Variants in SLC9A1 observed in about 807,000 individuals in gnomAD.
SLC9A1 encodes solute carrier family 9 member A1.
Under a neutral mutation model 67.9 loss-of-function variants are expected in SLC9A1, and 22 were observed. The observed-to-expected ratio is 0.32, with a 90% CI of 0.23 to 0.46. The LOEUF (loss-of-function observed/expected upper bound fraction) is 0.46. Ranked by LOEUF, SLC9A1 falls within the 20% of genes least tolerant of loss-of-function variation. SLC9A1 has a pLI of 1.00. For missense variants in SLC9A1, 686 were observed against 1,094.8 expected (o/e 0.63, Z 5.27); for synonymous variants, 421 against 471.8 (o/e 0.89, Z 1.40).
chr1:27,113,172 A>G (rs2083242497), intron 2 of SLC9A1, among the ~76,000 whole-genome samples: 1 of 152,128 alleles, frequency 6.6e-6, no homozygotes, highest in Non-Finnish European at 1.5e-5. Context: ...AAAATGCAAG[A>G]GAAGGGCCAG....
intron 1 of SLC9A1, among the ~76,000 whole-genome samples, chr1:27,115,783 C>T (rs1418773619): frequency 2.6e-5 from 4 of 152,086 alleles, no homozygotes; most frequent in Non-Finnish European, 4.4e-5. Context: ...CCTCCCCTTC[C>T]CTATCTTGCA....
Position 27,100,701 on chromosome 1 carries a change from G to C in SLC9A1, c.2111-57C>G, listed in dbSNP as rs548335504. 5 of 1,433,436 alleles carry C rather than the reference G, an allele frequency of 3.5e-6. No individual in the cohort carries two copies. The African/African-American group carries it at 7.1e-5, about 20-fold the overall frequency. The allele number at this position is 1,433,436 out of a possible 1,614,324, so 88.8% of individuals were successfully genotyped here. A position where few individuals can be genotyped will look rare whatever the true frequency, so the allele number is the denominator to read the frequency against. ...TCCGCTCTGGAGCCCGGCCCAGCAC[G>C]TGCCACTCGGCCGCGTCAGTGCCTC... On this transcript the variant is annotated intron_variant, in intron 11 of 11. Transcript: ENST00000263980. The surrounding 1 kb of genome is among the most constrained non-coding windows in gnomAD (Gnocchi z 5.6).
In SLC9A1 at chr1:27,109,850, G is replaced by A. The variant is rs2124147395; in HGVS notation, c.814-73C>T. On this transcript the variant is annotated intron_variant, in intron 2 of 11. Coordinates refer to ENST00000263980, the MANE Select transcript of SLC9A1 (RefSeq NM_003047.5). The surrounding 1 kb of genome is among the most constrained non-coding windows in gnomAD (Gnocchi z 5.5). ...CCACGGTTCCCTGGGGTCCACCCAGGGCAATCCTGTCCCCTCCGTTAACCA... is the reference window on the plus strand; with the variant it reads ...CCACGGTTCCCTGGGGTCCACCCAGAGCAATCCTGTCCCCTCCGTTAACCA... 1.9e-6 allele frequency: 3 copies of A among 1,554,582 alleles called. No individual in the cohort carries two copies. In the East Asian group the frequency reaches 6.7e-5, roughly 35 times the overall value.
Position 27,106,782 on chromosome 1 carries a change from G to A in SLC9A1, c.1283-695C>T, listed in dbSNP as rs1240977599. ...CTGCACGTGGCTCTGCATGCGATTC[G>A]GCACATGCTCACGTCACCTGTCTTG... On this transcript the variant is annotated intron_variant, in intron 4 of 11. Coordinates refer to ENST00000263980, the MANE Select transcript of SLC9A1 (RefSeq NM_003047.5). This position sits in a 1 kb window ranked among gnomAD's most constrained non-coding sequence, Gnocchi z 4.3. Among the ~76,000 whole-genome samples the A allele has an allele frequency of 3.3e-5, 5 of 151,964 alleles. No homozygotes were observed. The highest frequency in any genetic ancestry group is 5.9e-5 in the Non-Finnish European group (4 of 67,946).
At chr1:27,108,389 T>A (rs1419704302) in intron 3 of SLC9A1, among the ~76,000 whole-genome samples, 1 of 144,108 alleles carries the variant, frequency 6.9e-6, no homozygotes, top group Non-Finnish European at 1.5e-5. Flanking sequence ...TTAAAATGAG[T>A]GATCTTGGCT....
Position 27,098,989 on chromosome 1 carries a change from C to T in SLC9A1, c.*1318G>A, listed in dbSNP as rs1161896081. On this transcript the variant is annotated 3_prime_UTR_variant, in exon 12 of 12. Transcript: ENST00000263980. The stretch of plus-strand genomic sequence containing the variant: ...GGAGGATGGACAGATGGGCCGAGGA[C>T]CCATGGCCCAGTCCCCTGCAAAAAG... The T allele has an allele frequency of 1.3e-5, 2 of 152,670 alleles. No individual in the cohort carries two copies. Among genetic ancestry groups the T allele is most frequent in the African/African-American group, 4.8e-5 (2 of 41,460 alleles). 9.5% of individuals were successfully genotyped at this position (152,670 alleles called of 1,614,324 possible).
chr1:27,102,058 G>A lies in SLC9A1; in HGVS notation c.1893C>T (p.Ile631=), dbSNP rs772522202. Residue 631 remains isoleucine, a synonymous_variant, in exon 9 of 12, where the codon ATC becomes ATT. Transcript: ENST00000263980. ...GCAAGTTGTTCCTCAGGATTTTGCGGATCTCCTCCTCCTTGTCCTTGGACA... is the reference window on the plus strand; with the variant it reads ...GCAAGTTGTTCCTCAGGATTTTGCGAATCTCCTCCTCCTTGTCCTTGGACA... ...PALSKDKEEE[I]RKILRNNLQK... The A allele has an allele frequency of 1.2e-6, 2 of 1,614,048 alleles. No homozygotes were observed. Among genetic ancestry groups the A allele is most frequent in the East Asian group, 2.2e-5 (1 of 44,890 alleles).
chr1:27,141,243 T>C (rs919661493), intron 1 of SLC9A1, among the ~76,000 whole-genome samples: 1 of 152,126 alleles, frequency 6.6e-6, no homozygotes, highest in Admixed American at 6.5e-5. Context: ...ACAGGATAAG[T>C]GACTTGCCCA....
At chr1:27,119,808 G>A (rs1318509338) in intron 1 of SLC9A1, among the ~76,000 whole-genome samples, 7 of 152,184 alleles carry the variant, frequency 4.6e-5, no homozygotes, top group South Asian at 2.1e-4. Flanking sequence ...TCTAAGGGGC[G>A]TGTGAGCCTA....
Position 27,109,517 on chromosome 1 carries a change from G to A in SLC9A1, c.1064+10C>T, listed in dbSNP as rs372655809. Reference sequence around the variant, plus strand: ...CCGCCAAGCCCACTGCCTGCTGCACGCAGACTCACGCCATGATGCCTGACA... The same window carrying A: ...CCGCCAAGCCCACTGCCTGCTGCACACAGACTCACGCCATGATGCCTGACA... On this transcript the variant is annotated intron_variant, in intron 3 of 11. Coordinates refer to ENST00000263980, the MANE Select transcript of SLC9A1 (RefSeq NM_003047.5). The surrounding 1 kb of genome is among the most constrained non-coding windows in gnomAD (Gnocchi z 5.5). The A allele has an allele frequency of 1.4e-5, 22 of 1,598,494 alleles. No individual in the cohort carries two copies. The highest frequency in any genetic ancestry group is 5.4e-5 in the African/African-American group (4 of 74,312).
chr1:27,102,751 G>C lies in SLC9A1; in HGVS notation c.1576-8C>G. On this transcript the variant is annotated splice_polypyrimidine_tract_variant and splice_region_variant and intron_variant, in intron 6 of 11. Transcript: ENST00000263980. ...CAGAAGGTGGTCCAGGAACTGAAAG[G>C]GGCCCAGGGCCAAGTCAAGCCTCGC... The C allele has an allele frequency of 6.2e-7, 1 of 1,612,930 alleles. No individual in the cohort carries two copies. The highest frequency in any genetic ancestry group is 8.5e-7 in the Non-Finnish European group (1 of 1,179,606).
chr1:27,153,898 C>T, intron 1 of SLC9A1, 85 bp downstream of exon 1: 1 of 903,052 alleles, frequency 1.1e-6, no homozygotes, highest in Non-Finnish European at 1.7e-6. Context: ...GATCCTTACT[C>T]CTGGACAGCC....
chr1:27,104,335 G>C (rs973936321), intron 5 of SLC9A1, among the ~76,000 whole-genome samples: 2 of 152,110 alleles, frequency 1.3e-5, no homozygotes, highest in African/African-American at 2.4e-5. Flanking sequence ...GCCTGCCTCG[G>C]CCTCCCAAAG....
At chr1:27,116,511 C>T (rs746459110) in intron 1 of SLC9A1, among the ~76,000 whole-genome samples, 2 of 152,218 alleles carry the variant, frequency 1.3e-5, no homozygotes, top group African/African-American at 2.4e-5. Flanking sequence ...AAGAGGACCT[C>T]GAAGGCACCA....
intron 2 of SLC9A1, among the ~76,000 whole-genome samples, chr1:27,112,933 G>C (rs1357440009): frequency 6.7e-6 from 1 of 149,922 alleles, no homozygotes; most frequent in Admixed American, 6.7e-5. Flanking sequence ...TATAGCATTT[G>C]CTTAAGGTCA....
At chr1:27,148,365 C>T (rs567162616) in intron 1 of SLC9A1, among the ~76,000 whole-genome samples, 4 of 152,280 alleles carry the variant, frequency 2.6e-5, no homozygotes, top group Admixed American at 2.6e-4. Context: ...CACCCAGACC[C>T]TTTAGCCCTT....
At chr1:27,115,156 A>G (rs1423228697) in intron 1 of SLC9A1, among the ~76,000 whole-genome samples, 1 of 152,160 alleles carries the variant, frequency 6.6e-6, no homozygotes, top group Non-Finnish European at 1.5e-5. Context: ...ATCAAACTGC[A>G]CAGTTCTGTA....
chr1:27,114,389 G>T lies in SLC9A1; in HGVS notation c.353-103C>A. On this transcript the variant is annotated intron_variant, in intron 1 of 11. Coordinates refer to ENST00000263980, the MANE Select transcript of SLC9A1 (RefSeq NM_003047.5). This position sits in a 1 kb window ranked among gnomAD's most constrained non-coding sequence, Gnocchi z 5.4. ...ATGAGGAGCGCAGTTGGTGAGAGGTGCACAGGCTGGGTCTCAGAGGGCTGC... is the reference window on the plus strand; with the variant it reads ...ATGAGGAGCGCAGTTGGTGAGAGGTTCACAGGCTGGGTCTCAGAGGGCTGC... 1.2e-6 allele frequency: 1 copy of T among 861,584 alleles called. No homozygotes were observed. The highest frequency in any genetic ancestry group is 1.8e-6 in the Non-Finnish European group (1 of 552,320). The allele number at this position is 861,584 out of a possible 1,614,324, so 53.4% of individuals were successfully genotyped here. A position where few individuals can be genotyped will look rare whatever the true frequency, so the allele number is the denominator to read the frequency against.
In SLC9A1 at chr1:27,137,459, G is replaced by A. The variant is rs531193891; in HGVS notation, c.352+16524C>T. Among the ~76,000 whole-genome samples, 7 of 152,292 alleles carry A rather than the reference G, an allele frequency of 4.6e-5. No homozygotes were observed. The highest frequency in any genetic ancestry group is 7.4e-5 in the Non-Finnish European group (5 of 68,024). On this transcript the variant is annotated intron_variant, in intron 1 of 11. Transcript: ENST00000263980. The surrounding 1 kb of genome is among the most constrained non-coding windows in gnomAD (Gnocchi z 4.6). ...TAGAAGCCCTTACTGCTAGGTGCTC[G>A]CCTCAGCATTCTCATTTAACCTCCA... is the stretch of plus-strand genomic sequence containing the variant.
Sources: allele counts gnomAD v4.1 joint callset (sites outside exome capture counted in the v4.1 genomes callset), GRCh38; gene constraint gnomAD v4.1.1; non-coding constraint Gnocchi (gnomAD v3.1); transcripts MANE v1.5; gene names NCBI Gene and HGNC (gene_info 2026-07-23, HGNC 2026-07-21).